FSTL4: variants seen among roughly 807,000 people sequenced by gnomAD.
The protein encoded by FSTL4 is follistatin like 4, also known as follistatin-related protein 4.
A neutral mutation model predicts 78.2 loss-of-function variants in FSTL4; 28 were observed. The observed-to-expected ratio is 0.36, with a 90% confidence interval of 0.27 to 0.49. The LOEUF (loss-of-function observed/expected upper bound fraction) is 0.49. Among genes scored for constraint, FSTL4 ranks in the 20% least tolerant of loss-of-function variants. FSTL4 has a pLI of 0.98. For missense variants in FSTL4, 922 were observed against 1,084.9 expected (o/e 0.85, Z 2.11); for synonymous variants, 422 against 440.5 (o/e 0.96, Z 0.53).
At chr5:133,494,786 G>A (rs1758337191) in intron 3 of FSTL4, among the ~76,000 whole-genome samples, 1 of 152,236 alleles carries the variant, frequency 6.6e-6, no homozygotes, top group Non-Finnish European at 1.5e-5. Flanking sequence ...CGGGTGTGCT[G>A]AGGAAACCCC....
chr5:133,549,940 C>T (rs1759658607), intron 3 of FSTL4, among the ~76,000 whole-genome samples: 1 of 152,142 alleles, frequency 6.6e-6, no homozygotes, highest in African/African-American at 2.4e-5. Flanking sequence ...AGGTAGCCTA[C>T]TGGGGTCTGT....
At chr5:133,680,134 A>G in the FSTL4 span, among the ~76,000 whole-genome samples, 1 of 152,218 alleles carries the variant, frequency 6.6e-6, no homozygotes, top group Admixed American at 6.5e-5. Context: ...ACTAAAGCCC[A>G]CATTGCATTC....
the FSTL4 span, among the ~76,000 whole-genome samples, chr5:133,687,257 T>C: frequency 2.2e-4 from 33 of 152,086 alleles, no homozygotes; most frequent in Non-Finnish European, 4.3e-4. Context: ...ATAGAAATAC[T>C]AAGAAAAGTG....
At chr5:133,360,851 T>C (rs17166639) in intron 4 of FSTL4, among the ~76,000 whole-genome samples, 24,746 of 152,144 alleles carry the variant, frequency 0.16, 2,274 homozygotes, top group East Asian at 0.36. Context: ...TTCTCTGTCA[T>C]GTTTCCCAAT....
Position 133,199,757 on chromosome 5 carries a change from T to C in FSTL4, c.1867A>G (p.Lys623Glu), listed in dbSNP as rs1196498973. ...GGCATCATTGTTTCCAGGTCCACCT[T>C]GTGGACTGCAGGATCAGACTTGTTG... ...IFNKSDPAVHKVDLETMMPLK... is the reference protein window; with the variant it reads ...IFNKSDPAVHEVDLETMMPLK... Residue 623 changes from lysine to glutamate, a missense_variant, in exon 16 of 16, where the codon AAG (lysine) becomes GAG (glutamate). Transcript: ENST00000265342. The surrounding 1 kb of genome is among the most constrained non-coding windows in gnomAD (Gnocchi z 4.4). 3.8e-6 allele frequency: 6 copies of C among 1,582,794 alleles called. No individual in the cohort carries two copies. Among genetic ancestry groups the C allele is most frequent in the Non-Finnish European group, 5.2e-6 (6 of 1,163,180 alleles).
intron 3 of FSTL4, among the ~76,000 whole-genome samples, chr5:133,551,529 T>C (rs968270783): frequency 6.6e-6 from 1 of 152,204 alleles, no homozygotes; most frequent in African/African-American, 2.4e-5. Flanking sequence ...TCTAGAACAC[T>C]TCGGAGCCCG....
At chr5:133,549,978 G>T (rs776413664) in intron 3 of FSTL4, among the ~76,000 whole-genome samples, 1 of 152,150 alleles carries the variant, frequency 6.6e-6, no homozygotes, top group Non-Finnish European at 1.5e-5. Flanking sequence ...TGTAGAGGAG[G>T]TTTTCTAACA....
the FSTL4 span, among the ~76,000 whole-genome samples, chr5:133,647,985 T>C: frequency 6.6e-6 from 1 of 152,148 alleles, no homozygotes; most frequent in Non-Finnish European, 1.5e-5. Flanking sequence ...CTGATGGTTC[T>C]ATAAAGAGGA....
chr5:133,267,423 C>T (rs930725538), intron 6 of FSTL4, among the ~76,000 whole-genome samples: 2 of 152,114 alleles, frequency 1.3e-5, no homozygotes, highest in African/African-American at 2.4e-5. Flanking sequence ...TATCCACAGC[C>T]GCATAAGCCC....
intron 6 of FSTL4, among the ~76,000 whole-genome samples, chr5:133,257,710 T>C (rs1248684832): frequency 6.6e-6 from 1 of 152,074 alleles, no homozygotes; most frequent in African/African-American, 2.4e-5. Flanking sequence ...GGCCTCCTGG[T>C]CAGCAGGAGC....
the FSTL4 span, among the ~76,000 whole-genome samples, chr5:133,707,215 A>G: frequency 6.6e-6 from 1 of 152,100 alleles, no homozygotes; most frequent in African/African-American, 2.4e-5. Context: ...TATGATAGGT[A>G]TGATTTCATG....
intron 6 of FSTL4, among the ~76,000 whole-genome samples, chr5:133,292,759 G>A (rs1363599784): frequency 6.8e-6 from 1 of 146,998 alleles, no homozygotes; most frequent in Non-Finnish European, 1.5e-5. Context: ...CCTCACAAGG[G>A]AAAAAAAAAA....
rs1053101347 is a variant in FSTL4 at position 133,199,338 on chromosome 5, C to G, written c.2286G>C (p.Leu762=). The G allele has an allele frequency of 3.1e-6, 5 of 1,614,012 alleles. No individual in the cohort carries two copies. Among genetic ancestry groups the G allele is most frequent in the Middle Eastern group, 3.3e-4 (2 of 6,084 alleles). Residue 762 remains leucine, a synonymous_variant, in exon 16 of 16, where the codon CTG becomes CTC. Coordinates refer to ENST00000265342, the MANE Select transcript of FSTL4 (RefSeq NM_015082.2). This position sits in a 1 kb window ranked among gnomAD's most constrained non-coding sequence, Gnocchi z 4.4. The stretch of plus-strand genomic sequence containing the variant: ...CCTTCCCCGTGGACAGCTCCAGGAA[C>G]AGCAGGTCCGGCTCCGTGTGCAGAG... ...YAALHTEPDL[L]FLELSTGKVG... is the part of the protein sequence containing the mutation.
the FSTL4 span, among the ~76,000 whole-genome samples, chr5:133,626,587 T>C: frequency 6.6e-6 from 1 of 151,602 alleles, no homozygotes; most frequent in Non-Finnish European, 1.5e-5. Flanking sequence ...TGATGTGTTC[T>C]CATTTTCGTT....
At chr5:133,493,039 T>C (rs1279099138) in intron 3 of FSTL4, among the ~76,000 whole-genome samples, 3 of 152,146 alleles carry the variant, frequency 2.0e-5, no homozygotes, top group Non-Finnish European at 2.9e-5. Context: ...TTCTAGAAAT[T>C]CTACTTTTCC....
At position 133,199,285 on chromosome 5, in the gene FSTL4, G is replaced by A. The variant is rs1285864153; in HGVS notation, c.2339C>T (p.Pro780Leu). ...KVGMLKNLKE[P>L]PAGPAQPWGG... ...CCAGGGCTGAGCTGGCCCTGCGGGT[G>A]GCTCCTTTAAGTTCTTCAGCATGCC... The change falls in exon 16 of 16, where the codon CCA (proline) becomes CTA (leucine). Residue 780 changes from proline (P) to leucine (L), a missense_variant. Physicochemically the swap from Pro to Leu is moderately conservative, Grantham distance 98 (BLOSUM62 -3). Coordinates refer to ENST00000265342, the MANE Select transcript of FSTL4 (RefSeq NM_015082.2). This position sits in a 1 kb window ranked among gnomAD's most constrained non-coding sequence, Gnocchi z 4.4. The A allele has an allele frequency of 6.2e-7, 1 of 1,613,862 alleles. No homozygotes were observed. The highest frequency in any genetic ancestry group is 8.5e-7 in the Non-Finnish European group (1 of 1,179,848).
At chr5:133,670,021 C>T in the FSTL4 span, among the ~76,000 whole-genome samples, 1 of 152,174 alleles carries the variant, frequency 6.6e-6, no homozygotes, top group East Asian at 1.9e-4. Flanking sequence ...CCTCAAGACC[C>T]CTGTGTTTGC....
the FSTL4 span, among the ~76,000 whole-genome samples, chr5:133,703,085 G>A: frequency 1.2e-3 from 185 of 152,360 alleles, no homozygotes; most frequent in African/African-American, 4.1e-3. Context: ...AATATGACCT[G>A]TCTTAGCTTA....
intron 3 of FSTL4, among the ~76,000 whole-genome samples, chr5:133,411,340 G>A (rs1489113103): frequency 6.6e-6 from 1 of 152,120 alleles, no homozygotes; most frequent in East Asian, 1.9e-4. Flanking sequence ...GCACAAAGAA[G>A]GCTTTTGGGG....
Sources: gnomAD v4.1 joint callset for allele counts (sites outside exome capture counted in the v4.1 genomes callset) on GRCh38, gnomAD v4.1.1 for gene constraint, Gnocchi (gnomAD v3.1) non-coding constraint, MANE v1.5 for transcripts, NCBI Gene and HGNC (gene_info 2026-07-23, HGNC 2026-07-21) for gene names.